The following SLC12A2 variants were observed in gnomAD, a reference collection of about 807,000 sequenced individuals.
SLC12A2 encodes the protein solute carrier family 12 member 2, also known as Na-K-2Cl cotransporter 1.
A neutral mutation model predicts 136.3 loss-of-function variants in SLC12A2; 67 were observed. The ratio of observed to expected loss-of-function variants is 0.49; its 90% CI spans 0.40 to 0.60. The LOEUF (loss-of-function observed/expected upper bound fraction) is 0.60. Among genes scored for constraint, SLC12A2 ranks in the 20% least tolerant of loss-of-function variants. SLC12A2 has a pLI of 0.00. For missense variants in SLC12A2, 1,322 were observed against 1,534.7 expected (o/e 0.86, Z 2.32); for synonymous variants, 619 against 562.9 (o/e 1.10, Z -1.41).
chr5:128,176,707 T>C (rs928298763), intron 20 of SLC12A2, among the ~76,000 whole-genome samples: 1 of 152,024 alleles, frequency 6.6e-6, no homozygotes. Context: ...GTTCAGTTAT[T>C]TGCACAGTGA....
intron 10 of SLC12A2, among the ~76,000 whole-genome samples, chr5:128,144,584 A>G (rs2126715705): frequency 6.6e-6 from 1 of 152,308 alleles, no homozygotes; most frequent in Non-Finnish European, 1.5e-5. Flanking sequence ...ACTGTTGCCT[A>G]ATAAACAAAA....
At chr5:128,147,825 TCAA>T in intron 11 of SLC12A2, 96 bp downstream of exon 11, 1 of 706,212 alleles carries the variant, frequency 1.4e-6, no homozygotes, top group Non-Finnish European at 2.5e-6. Context: ...TTTGCTTCTA[TCAA>T]CCATATATAC....
chr5:128,162,894 G>A lies in SLC12A2; in HGVS notation c.2616+1094G>A, dbSNP rs561502045. Among the ~76,000 whole-genome samples the A allele has an allele frequency of 9.2e-5, 14 of 152,162 alleles. No homozygotes were observed. In the South Asian group the frequency reaches 2.3e-3, roughly 25 times the overall value. ...TATGGCCCAGGATGGCTTTGAATGC[G>A]GCCTAACACAAATTCGTAAATTTTC... On this transcript the variant is annotated intron_variant, in intron 17 of 26. Coordinates refer to ENST00000262461, the MANE Select transcript of SLC12A2 (RefSeq NM_001046.3).
At chr5:128,133,823 T>C (rs985277862) in intron 5 of SLC12A2, among the ~76,000 whole-genome samples, 2 of 152,244 alleles carry the variant, frequency 1.3e-5, no homozygotes, top group Middle Eastern at 3.4e-3. Flanking sequence ...TCACAATAAA[T>C]ACAAAATATA....
Position 128,112,842 on chromosome 5 carries a change from G to A in SLC12A2, c.785G>A (p.Gly262Glu), listed in dbSNP as rs1171071593. The change falls in exon 2 of 27, where the codon GGG (glycine) becomes GAG (glutamate). Residue 262 changes from glycine (G) to glutamate (E), a missense_variant. Coordinates refer to ENST00000262461, the MANE Select transcript of SLC12A2 (RefSeq NM_001046.3). ...CCTTTTGAGGATGGCTTTGCAAATG[G>A]GGAAGAAAGTACTCCAACCAGAGAT... ...KEPFEDGFANGEESTPTRDAV... is the reference protein window; with the variant it reads ...KEPFEDGFANEEESTPTRDAV... 7 of 1,611,486 alleles carry A rather than the reference G, an allele frequency of 4.3e-6. No homozygotes were observed. The South Asian group carries it at 6.6e-5, about 15-fold the overall frequency.
rs1057512007 is a variant in SLC12A2 at position 128,150,237 on chromosome 5, T to G, written c.2107+139T>G. 6 of 612,582 alleles carry G rather than the reference T, an allele frequency of 9.8e-6. No individual in the cohort carries two copies. The African/African-American group carries it at 1.1e-4, about 11-fold the overall frequency. The allele number at this position is 612,582 out of a possible 1,614,324, so 37.9% of individuals were successfully genotyped here. ...GTCTGTCTTTACAGTTAATTCAAAT[T>G]AAGCTTTCAAAGATCTCTTTATCAG... On this transcript the variant is annotated intron_variant, in intron 13 of 26. Coordinates refer to ENST00000262461, the MANE Select transcript of SLC12A2 (RefSeq NM_001046.3).
intron 23 of SLC12A2, among the ~76,000 whole-genome samples, chr5:128,181,386 T>C (rs1763702997): frequency 1.3e-5 from 2 of 152,200 alleles, no homozygotes; most frequent in African/African-American, 4.8e-5. Context: ...TCCAATTCTT[T>C]CCATCTATAC....
At chr5:128,114,734 G>C (rs1400738570) in intron 4 of SLC12A2, 53 bp downstream of exon 4, 28 of 1,059,938 alleles carry the variant, frequency 2.6e-5, no homozygotes, top group Non-Finnish European at 3.2e-5. Context: ...ACTAAACAGA[G>C]GTCTAAATTG....
intron 10 of SLC12A2, among the ~76,000 whole-genome samples, chr5:128,146,927 G>T (rs1762546652): frequency 6.6e-6 from 1 of 151,594 alleles, no homozygotes; most frequent in Non-Finnish European, 1.5e-5. Context: ...GAAATGAGAA[G>T]AGGTTAAGCA....
chr5:128,119,413 G>A (rs1186062953), intron 4 of SLC12A2, among the ~76,000 whole-genome samples: 1 of 152,168 alleles, frequency 6.6e-6, no homozygotes, highest in Non-Finnish European at 1.5e-5. Flanking sequence ...AAAAATTAAT[G>A]TTAACTAGTT....
intron 1 of SLC12A2, among the ~76,000 whole-genome samples, chr5:128,091,525 C>T (rs982813534): frequency 2.6e-5 from 4 of 152,098 alleles, no homozygotes; most frequent in Non-Finnish European, 5.9e-5. Context: ...AGTGAAAGCC[C>T]ACTGAGGGTG....
At chr5:128,172,124 A>G (rs1763394240) in intron 19 of SLC12A2, among the ~76,000 whole-genome samples, 2 of 152,362 alleles carry the variant, frequency 1.3e-5, no homozygotes, top group Admixed American at 1.3e-4. Flanking sequence ...TATGCTTTGT[A>G]CAGAGTCATA....
intron 17 of SLC12A2, among the ~76,000 whole-genome samples, chr5:128,164,460 G>C (rs1763139431): frequency 6.6e-6 from 1 of 152,168 alleles, no homozygotes; most frequent in Admixed American, 6.5e-5. Flanking sequence ...TGACTTTCTA[G>C]CAGAGCTGTC....
Position 128,112,876 on chromosome 5 carries a change from C to G in SLC12A2, c.819C>G (p.Val273=), listed in dbSNP as rs1202617880. Residue 273 remains valine, a synonymous_variant, in exon 2 of 27, where the codon GTC becomes GTG. Coordinates refer to ENST00000262461, the MANE Select transcript of SLC12A2 (RefSeq NM_001046.3). ...EESTPTRDAV[V]TYTAESKGVV... is the part of the protein sequence containing the mutation. ...GTACTCCAACCAGAGATGCTGTGGT[C>G]ACGTATACTGCAGAAAGTAAAGGAG... The G allele has an allele frequency of 6.2e-7, 1 of 1,612,812 alleles. No homozygotes were observed. Among genetic ancestry groups the G allele is most frequent in the Non-Finnish European group, 8.5e-7 (1 of 1,179,040 alleles).
intron 4 of SLC12A2, among the ~76,000 whole-genome samples, chr5:128,117,934 T>G (rs968631506): frequency 1.3e-5 from 2 of 151,948 alleles, no homozygotes; most frequent in Non-Finnish European, 2.9e-5. Context: ...CAAAACAAGA[T>G]GTACATATGG....
Position 128,162,949 on chromosome 5 carries a change from T to A in SLC12A2, c.2616+1149T>A, listed in dbSNP as rs115290190. Among the ~76,000 whole-genome samples, 998 of 151,450 alleles carry A rather than the reference T, an allele frequency of 6.6e-3. 15 individuals are homozygous for A. Among genetic ancestry groups the A allele is most frequent in the African/African-American group, 0.023 (949 of 41,272 alleles). ...AACATTATGAGCTATTTTTGTGAGT[T>A]TTTTTTTTAAGCTGATCAGCTATCA... On this transcript the variant is annotated intron_variant, in intron 17 of 26. Transcript: ENST00000262461.
intron 1 of SLC12A2, among the ~76,000 whole-genome samples, chr5:128,092,320 G>C (rs1471836751): frequency 1.3e-5 from 2 of 152,118 alleles, no homozygotes; most frequent in South Asian, 2.1e-4. Context: ...TGAGAGGAAG[G>C]GGGTGATTAA....
intron 4 of SLC12A2, among the ~76,000 whole-genome samples, chr5:128,117,688 C>G (rs1489678032): frequency 1.3e-5 from 2 of 152,052 alleles, no homozygotes; most frequent in Non-Finnish European, 2.9e-5. Context: ...ACCAAAAACC[C>G]AAAAGCAAAT....
intron 4 of SLC12A2, among the ~76,000 whole-genome samples, chr5:128,129,431 T>A (rs780257634): frequency 2.2e-4 from 34 of 152,072 alleles, no homozygotes; most frequent in Non-Finnish European, 4.3e-4. Context: ...TTTTAAGTCA[T>A]TTTTATCTCA....
Sources: allele counts gnomAD v4.1 joint callset (sites outside exome capture counted in the v4.1 genomes callset), GRCh38; gene constraint gnomAD v4.1.1; transcripts MANE v1.5; gene names NCBI Gene and HGNC (gene_info 2026-07-23, HGNC 2026-07-21).